ADARB2: variants seen among roughly 807,000 people sequenced by gnomAD.
ADARB2 encodes adenosine deaminase RNA specific B2 (inactive).
A neutral mutation model predicts 62.2 loss-of-function variants in ADARB2; 25 were observed. The observed-to-expected ratio is 0.40, with a 90% CI of 0.29 to 0.56. The LOEUF is 0.56. ADARB2 is among the 20% of genes least tolerant of loss of function. The probability of loss-of-function intolerance (pLI) is 0.43; values close to 1 mark genes in which losing one functional copy is unlikely to be tolerated. For synonymous variants in ADARB2, 572 were observed against 500.8 expected (o/e 1.14, Z -1.90); for missense variants, 1,071 against 1,077.4 (o/e 0.99, Z 0.08).
At chr10:1,564,601 G>T (rs577156481) in intron 1 of ADARB2, among the ~76,000 whole-genome samples, 52 of 151,978 alleles carry the variant, frequency 3.4e-4, no homozygotes, top group African/African-American at 1.2e-3. Flanking sequence ...GTGGGCAAAG[G>T]TCATGAACAG....
intron 1 of ADARB2, among the ~76,000 whole-genome samples, chr10:1,532,966 A>T (rs1832269035): frequency 6.6e-6 from 1 of 152,120 alleles, no homozygotes; most frequent in Non-Finnish European, 1.5e-5. Context: ...CCCTGAAATG[A>T]AGGGGAGGAA....
At chr10:1,323,033 G>A (rs754506484) in intron 3 of ADARB2, among the ~76,000 whole-genome samples, 24 of 151,970 alleles carry the variant, frequency 1.6e-4, no homozygotes, top group Non-Finnish European at 3.4e-4. Flanking sequence ...CCCTTCTTTG[G>A]TTGGTTAGTG....
intron 4 of ADARB2, among the ~76,000 whole-genome samples, chr10:1,244,957 C>A (rs1274939050): frequency 6.6e-6 from 1 of 152,222 alleles, no homozygotes; most frequent in East Asian, 1.9e-4. Context: ...GGGTGGAAAT[C>A]AGTCACAGAC....
chr10:1,572,967 C>G (rs1832960424), intron 1 of ADARB2, among the ~76,000 whole-genome samples: 1 of 152,254 alleles, frequency 6.6e-6, no homozygotes, highest in African/African-American at 2.4e-5. Context: ...TCTCCACATC[C>G]ACTGCCCCCG....
chr10:1,373,390 A>G (rs1294620865), intron 2 of ADARB2, among the ~76,000 whole-genome samples: 1 of 152,070 alleles, frequency 6.6e-6, no homozygotes. Context: ...ACTCACTCAG[A>G]CTGGAAACTG....
chr10:1,224,732 G>A (rs2131761882), intron 6 of ADARB2, among the ~76,000 whole-genome samples: 1 of 152,306 alleles, frequency 6.6e-6, no homozygotes, highest in East Asian at 1.9e-4. Flanking sequence ...GTAGTTGAGT[G>A]GTTTTGAGTG....
intron 3 of ADARB2, among the ~76,000 whole-genome samples, chr10:1,314,305 C>T (rs1831717819): frequency 6.6e-6 from 1 of 152,144 alleles, no homozygotes; most frequent in Non-Finnish European, 1.5e-5. Context: ...GGTCACCAGC[C>T]CTGCCCACAG....
chr10:1,585,939 C>G (rs1340087339), intron 1 of ADARB2, among the ~76,000 whole-genome samples: 1 of 152,148 alleles, frequency 6.6e-6, no homozygotes, highest in Non-Finnish European at 1.5e-5. Context: ...GAGGCTGAGG[C>G]AGGAGAATGG....
At chr10:1,359,817 G>A (rs1321829149) in intron 3 of ADARB2, among the ~76,000 whole-genome samples, 1 of 152,220 alleles carries the variant, frequency 6.6e-6, no homozygotes, top group African/African-American at 2.4e-5. Context: ...CACCCGACGA[G>A]CTGGAAGTGC....
intron 4 of ADARB2, among the ~76,000 whole-genome samples, chr10:1,247,929 A>C (rs1205860964): frequency 6.6e-6 from 1 of 152,168 alleles, no homozygotes; most frequent in Non-Finnish European, 1.5e-5. Context: ...CTGGTTCCCC[A>C]CATGGAGATC....
At chr10:1,645,310 A>C (rs11250696) in intron 1 of ADARB2, among the ~76,000 whole-genome samples, 37,469 of 152,170 alleles carry the variant, frequency 0.25, 4,919 homozygotes, top group Middle Eastern at 0.35. Context: ...GCAGAATCCA[A>C]AAAGACTGAT....
rs1378087476 is a variant in ADARB2 at position 1,283,756 on chromosome 10, C to G, written c.1078-12687G>C. 2.0e-5 allele frequency among the ~76,000 whole-genome samples: 3 copies of G among 152,156 alleles called. No homozygotes were observed. In the East Asian group the frequency reaches 5.8e-4, roughly 29 times the overall value. On this transcript the variant is annotated intron_variant, in intron 3 of 9. Coordinates refer to ENST00000381312, the MANE Select transcript of ADARB2 (RefSeq NM_018702.4). The stretch of plus-strand genomic sequence containing the variant: ...TGTGTCCTTCATGTGGCTCACTGGA[C>G]TTGTACAGATACTTGCAGGAGGAAG...
intron 1 of ADARB2, among the ~76,000 whole-genome samples, chr10:1,531,773 G>T (rs1423789194): frequency 1.3e-5 from 2 of 152,086 alleles, no homozygotes; most frequent in Non-Finnish European, 2.9e-5. Flanking sequence ...GGAGGCGGAG[G>T]TTGCAGTAAG....
chr10:1,190,221 C>T (rs1259434524), intron 8 of ADARB2, among the ~76,000 whole-genome samples: 1 of 152,078 alleles, frequency 6.6e-6, no homozygotes, highest in African/African-American at 2.4e-5. Context: ...ACAGATACCC[C>T]AGTGCTGTGG....
At chr10:1,687,015 G>A (rs1834604880) in intron 1 of ADARB2, among the ~76,000 whole-genome samples, 1 of 149,520 alleles carries the variant, frequency 6.7e-6, no homozygotes, top group African/African-American at 2.5e-5. Flanking sequence ...GCCTCCCATG[G>A]GTCATGACAT....
At chr10:1,645,921 T>C (rs987601575) in intron 1 of ADARB2, among the ~76,000 whole-genome samples, 9 of 152,166 alleles carry the variant, frequency 5.9e-5, no homozygotes, top group African/African-American at 2.2e-4. Context: ...ACAGGGAAGG[T>C]GCGCTGTGAG....
At chr10:1,247,464 G>T (rs1830996597) in intron 4 of ADARB2, among the ~76,000 whole-genome samples, 1 of 152,172 alleles carries the variant, frequency 6.6e-6, no homozygotes, top group Admixed American at 6.5e-5. Context: ...TTGGCTGTGG[G>T]TTTGTCATAG....
At chr10:1,497,652 T>C (rs1831710784) in intron 1 of ADARB2, among the ~76,000 whole-genome samples, 1 of 152,214 alleles carries the variant, frequency 6.6e-6, no homozygotes, top group Admixed American at 6.5e-5. Context: ...TATACACTAA[T>C]CCTAAATCTC....
intron 1 of ADARB2, among the ~76,000 whole-genome samples, chr10:1,450,386 G>C (rs1414167999): frequency 6.6e-6 from 1 of 152,218 alleles, no homozygotes; most frequent in Non-Finnish European, 1.5e-5. Context: ...GCTGCATTTT[G>C]GTTGCTGTAG....
Sources: gnomAD v4.1 joint callset for allele counts (sites outside exome capture counted in the v4.1 genomes callset) on GRCh38, gnomAD v4.1.1 for gene constraint, MANE v1.5 for transcripts, NCBI Gene and HGNC (gene_info 2026-07-23, HGNC 2026-07-21) for gene names.